ZNF385D: variants seen among roughly 807,000 people sequenced by gnomAD.
ZNF385D encodes the protein zinc finger protein 385D.
In ZNF385D, 15 loss-of-function variants were observed where a neutral mutation model predicts 35.8. That is an observed-to-expected ratio of 0.42 (90% CI 0.28 to 0.64). The LOEUF (loss-of-function observed/expected upper bound fraction) is 0.64, where lower values mean the gene tolerates loss of function less well. ZNF385D is among the 30% of genes least tolerant of loss of function. ZNF385D has a pLI of 0.23. For synonymous variants in ZNF385D, 212 were observed against 186.8 expected (o/e 1.13, Z -1.10); for missense variants, 474 against 494.6 (o/e 0.96, Z 0.39).
At chr3:22,030,287 A>ATCC (rs1407044673) in intron 3 of ZNF385D, among the ~76,000 whole-genome samples, 1 of 97,422 alleles carries the variant, frequency 1.0e-5, no homozygotes, top group African/African-American at 4.6e-5. Context: ...ATATATATAT[A>ATCC]TATATATATA....
At chr3:22,100,577 C>T (rs1210691777) in intron 3 of ZNF385D, among the ~76,000 whole-genome samples, 1 of 150,614 alleles carries the variant, frequency 6.6e-6, no homozygotes, top group Non-Finnish European at 1.5e-5. Flanking sequence ...AGTAAACTAT[C>T]ACAAGGACAA....
chr3:21,937,105 A>G (rs1035148031), intron 3 of ZNF385D, among the ~76,000 whole-genome samples: 2 of 152,222 alleles, frequency 1.3e-5, no homozygotes, highest in African/African-American at 4.8e-5. Context: ...GTGCTGCAAG[A>G]AAGAAAAAAA....
chr3:22,293,905 G>A (rs938434764), intron 2 of ZNF385D, among the ~76,000 whole-genome samples: 1 of 152,068 alleles, frequency 6.6e-6, no homozygotes, highest in African/African-American at 2.4e-5. Context: ...TGGTCTTAGG[G>A]TTCATCTGGG....
chr3:21,452,935 G>A lies in ZNF385D; in HGVS notation c.440-15732C>T, dbSNP rs115361928. On this transcript the variant is annotated intron_variant, in intron 4 of 7. Coordinates refer to ENST00000281523, the MANE Select transcript of ZNF385D (RefSeq NM_024697.3). Reference sequence around the variant, plus strand: ...AAAGAAGAATAAAGTTAGAGGATTCGAGAATAAAGTTAGAAGAATCACACT... The same window carrying A: ...AAAGAAGAATAAAGTTAGAGGATTCAAGAATAAAGTTAGAAGAATCACACT... Among the ~76,000 whole-genome samples the A allele has an allele frequency of 3.8e-3, 583 of 151,904 alleles. 5 individuals are homozygous for A. The highest frequency in any genetic ancestry group is 0.013 in the African/African-American group (558 of 41,498).
rs1463134503 is a variant in ZNF385D, at chr3:21,636,343, CATATATATGATTATATATGATTAT to C, written c.165+28519_165+28542del. 6.6e-3 allele frequency among the ~76,000 whole-genome samples: 674 copies of C among 102,722 alleles called. 8 individuals carry two copies. Among genetic ancestry groups the C allele is most frequent in the Middle Eastern group, 0.037 (6 of 164 alleles). 67.4% of individuals were successfully genotyped at this position (102,722 alleles called of 152,430 possible). ...AGATATATAGATATACATGATTTTA[CATATATATGATTATATATGATTAT>C]ATATATATGATTATATATATATATA... is the stretch of plus-strand genomic sequence containing the variant. On this transcript the variant is annotated intron_variant, in intron 2 of 7. Coordinates refer to ENST00000281523, the MANE Select transcript of ZNF385D (RefSeq NM_024697.3).
intron 4 of ZNF385D, among the ~76,000 whole-genome samples, chr3:21,503,538 A>G (rs370022302): frequency 1.3e-5 from 2 of 152,136 alleles, no homozygotes; most frequent in African/African-American, 2.4e-5. Context: ...TTTGTTCACT[A>G]TTGTCATAAT....
intron 1 of ZNF385D, among the ~76,000 whole-genome samples, chr3:21,706,501 T>C (rs1223245753): frequency 6.6e-6 from 1 of 152,192 alleles, no homozygotes; most frequent in Non-Finnish European, 1.5e-5. Flanking sequence ...AAGTGAAAAT[T>C]GTAAGAGCTT....
At chr3:21,953,970 C>T (rs616870) in intron 3 of ZNF385D, among the ~76,000 whole-genome samples, 34,834 of 151,798 alleles carry the variant, frequency 0.23, 4,283 homozygotes, top group South Asian at 0.36. Flanking sequence ...TTTATAAAAT[C>T]GTGGATAAAT....
chr3:21,625,922 G>A (rs543047057), intron 2 of ZNF385D, among the ~76,000 whole-genome samples: 1 of 151,922 alleles, frequency 6.6e-6, no homozygotes, highest in Non-Finnish European at 1.5e-5. Context: ...CTCCTTTCAG[G>A]TTTCTTAAAG....
intron 2 of ZNF385D, among the ~76,000 whole-genome samples, chr3:22,325,351 T>C (rs1212501255): frequency 6.6e-6 from 1 of 152,194 alleles, no homozygotes; most frequent in African/African-American, 2.4e-5. Flanking sequence ...GGGCAGGTGG[T>C]ACAAACCCTG....
At chr3:21,469,110 A>G (rs1316075120) in intron 4 of ZNF385D, among the ~76,000 whole-genome samples, 1 of 152,188 alleles carries the variant, frequency 6.6e-6, no homozygotes, top group Non-Finnish European at 1.5e-5. Context: ...TGATGGTTAC[A>G]CTGGTGAGCA....
intron 3 of ZNF385D, among the ~76,000 whole-genome samples, chr3:21,866,387 G>C (rs140674149): frequency 6.6e-6 from 1 of 152,230 alleles, no homozygotes; most frequent in East Asian, 1.9e-4. Flanking sequence ...CCAGGAGGTG[G>C]AGGTTGCAGT....
At position 21,802,037 on chromosome 3, in the gene ZNF385D, G is replaced by A. The variant is rs558226609; in HGVS notation, c.326-137009C>T. 8.5e-5 allele frequency among the ~76,000 whole-genome samples: 13 copies of A among 152,164 alleles called. No homozygotes were observed. The South Asian group carries it at 2.7e-3, about 32-fold the overall frequency. ...AATACAGTTTTCAACTTTTATAGGA[G>A]ACGGGGCAGATTTCTTAAACTACAT... On this transcript the variant is annotated intron_variant, in intron 3 of 5. Transcript: ENST00000494108.
In ZNF385D at chr3:21,639,520, T is replaced by C. The variant is rs528840166; in HGVS notation, c.165+25366A>G. ...AGCTCTTCTTTATGTCATTAAATATTCTTTCAAACCATTATTTTTTATGAC... is the reference window on the plus strand; with the variant it reads ...AGCTCTTCTTTATGTCATTAAATATCCTTTCAAACCATTATTTTTTATGAC... On this transcript the variant is annotated intron_variant, in intron 2 of 7. Transcript: ENST00000281523. Among the ~76,000 whole-genome samples the C allele has an allele frequency of 3.9e-5, 6 of 152,220 alleles. 1 individual carries two copies. The highest frequency in any genetic ancestry group is 3.9e-4 in the Admixed American group (6 of 15,272).
chr3:21,776,478 T>C (rs555124896), intron 3 of ZNF385D, among the ~76,000 whole-genome samples: 3 of 152,100 alleles, frequency 2.0e-5, no homozygotes, highest in African/African-American at 7.2e-5. Flanking sequence ...TTAAATCTGA[T>C]ACACAACAAC....
intron 1 of ZNF385D, among the ~76,000 whole-genome samples, chr3:21,696,393 A>G (rs1337486172): frequency 6.6e-6 from 1 of 152,218 alleles, no homozygotes; most frequent in Admixed American, 6.5e-5. Flanking sequence ...CTGGTCCCTT[A>G]CATACATGTC....
At chr3:22,178,917 G>C (rs1278394695) in intron 2 of ZNF385D, among the ~76,000 whole-genome samples, 1 of 152,094 alleles carries the variant, frequency 6.6e-6, no homozygotes, top group Non-Finnish European at 1.5e-5. Flanking sequence ...TTATTTCTGA[G>C]GGCTCTGTTC....
intron 3 of ZNF385D, among the ~76,000 whole-genome samples, chr3:22,118,034 T>C (rs1462719534): frequency 6.6e-6 from 1 of 152,136 alleles, no homozygotes; most frequent in Non-Finnish European, 1.5e-5. Flanking sequence ...ACCTGTGATT[T>C]GTAACAGACG....
At chr3:21,538,535 C>A (rs1331778422) in intron 3 of ZNF385D, among the ~76,000 whole-genome samples, 1 of 152,082 alleles carries the variant, frequency 6.6e-6, no homozygotes, top group Admixed American at 6.5e-5. Context: ...TCTGCTTCCA[C>A]TGAGGTTTTA....
Sources: allele counts gnomAD v4.1 joint callset (sites outside exome capture counted in the v4.1 genomes callset), GRCh38; gene constraint gnomAD v4.1.1; transcripts MANE v1.5; gene names NCBI Gene and HGNC (gene_info 2026-07-23, HGNC 2026-07-21).